The following PDE9A variants were observed in gnomAD, a reference collection of about 807,000 sequenced individuals.
PDE9A encodes the protein high affinity cGMP-specific 3',5'-cyclic phosphodiesterase 9A.
PDE9A carries 60 observed loss-of-function variants against 87.4 expected under a neutral mutation model. The observed-to-expected ratio is 0.69, with a 90% CI of 0.56 to 0.85. PDE9A has a LOEUF of 0.85. Among genes scored for constraint, PDE9A ranks in the 40% least tolerant of loss-of-function variants. The pLI is 0.00. For missense variants in PDE9A, 665 were observed against 779.0 expected, an observed-to-expected ratio of 0.85 and a Z score of 1.74; for synonymous variants, 272 against 279.4, an observed-to-expected ratio of 0.97 and a Z score of 0.27.
At chr21:42,746,456 G>C (rs191979597) in intron 8 of PDE9A, among the ~76,000 whole-genome samples, 1 of 152,142 alleles carries the variant, frequency 6.6e-6, no homozygotes, top group Non-Finnish European at 1.5e-5. Context: ...GGCTGCCGGC[G>C]GCATTCTCTG....
intron 14 of PDE9A, among the ~76,000 whole-genome samples, chr21:42,764,983 G>GGA (rs2056226582): frequency 8.4e-6 from 1 of 118,362 alleles, no homozygotes; most frequent in Admixed American, 7.8e-5. Context: ...GGGTGGGTGG[G>GGA]TGGATGGATG....
intron 8 of PDE9A, among the ~76,000 whole-genome samples, chr21:42,745,903 C>T (rs2053798289): frequency 6.6e-6 from 1 of 152,230 alleles, no homozygotes; most frequent in Admixed American, 6.5e-5. Context: ...CCTCTGGGCC[C>T]CATATGGGTT....
intron 8 of PDE9A, among the ~76,000 whole-genome samples, chr21:42,746,975 G>A (rs1407209204): frequency 6.6e-6 from 1 of 152,198 alleles, no homozygotes; most frequent in Non-Finnish European, 1.5e-5. Context: ...ACAGGTAAAT[G>A]GGACTCTTGC....
At chr21:42,674,030 A>T (rs1449832176) in intron 1 of PDE9A, among the ~76,000 whole-genome samples, 1 of 152,256 alleles carries the variant, frequency 6.6e-6, no homozygotes, top group Non-Finnish European at 1.5e-5. Flanking sequence ...GTTAGAGCAG[A>T]TGTACATATA....
chr21:42,732,394 C>T lies in PDE9A; in HGVS notation c.497+270C>T, dbSNP rs186995153. On this transcript the variant is annotated intron_variant, in intron 6 of 19. Transcript: ENST00000291539. ...TCGTGAGGTCGAGAATGTTCTCCAC[C>T]GGCTCTTCTGGGATGGGAGAACAAG... 2.9e-3 allele frequency among the ~76,000 whole-genome samples: 438 copies of T among 152,334 alleles called. 2 individuals carry two copies. The highest frequency in any genetic ancestry group is 0.01 in the Middle Eastern group (3 of 294).
intron 16 of PDE9A, chr21:42,768,610 G>A (rs2056621130): frequency 1.0e-6 from 1 of 985,402 alleles, no homozygotes; most frequent in East Asian, 1.1e-4. Context: ...AGAAGCAGGA[G>A]GGGGCCCAGG....
intron 10 of PDE9A, chr21:42,757,711 C>T (rs1433110738): frequency 6.6e-6 from 1 of 152,118 alleles, no homozygotes; most frequent in Non-Finnish European, 1.5e-5. Context: ...GTGGGACCTT[C>T]TTCCTGGCCA....
rs2055384188 is a variant in PDE9A at position 42,759,030 on chromosome 21, AC to A, written c.844del (p.Leu282SerfsTer42). On this transcript the variant is annotated frameshift_variant, in exon 11 of 20. Transcript: ENST00000291539. LOFTEE classifies it high-confidence loss of function. This position sits in a 1 kb window ranked among gnomAD's most constrained non-coding sequence, Gnocchi z 7.2. ...MLSCLEHMYH[D>X]LGLVRDFSIN... is the part of the protein sequence containing the mutation. The stretch of plus-strand genomic sequence containing the variant: ...AGCTGCCTGGAGCACATGTACCACG[AC>A]CTCGGGCTGGTCAGGGACTTCAGCA... 1 of 1,613,776 alleles carries A rather than the reference AC, an allele frequency of 6.2e-7. No homozygotes were observed.
At chr21:42,654,877 A>G (rs2145745302) in intron 1 of PDE9A, among the ~76,000 whole-genome samples, 1 of 152,200 alleles carries the variant, frequency 6.6e-6, no homozygotes, top group East Asian at 1.9e-4. Flanking sequence ...GCTTTGAGAG[A>G]CTCAGATAAC....
At chr21:42,745,089 C>T (rs1227169681) in intron 8 of PDE9A, among the ~76,000 whole-genome samples, 3 of 152,176 alleles carry the variant, frequency 2.0e-5, no homozygotes, top group Non-Finnish European at 4.4e-5. Flanking sequence ...GGCATGCTGA[C>T]GATCATTCCC....
At chr21:42,685,465 G>GTTTTTTTTTTTT (rs1555908731) in intron 1 of PDE9A, among the ~76,000 whole-genome samples, 17 of 87,764 alleles carry the variant, frequency 1.9e-4, no homozygotes, top group African/African-American at 3.0e-4. Flanking sequence ...CCGAAAGGCA[G>GTTTTTTTTTTTT]TCTTTTTTTT....
chr21:42,736,262 A>G (rs1434720264), intron 7 of PDE9A, among the ~76,000 whole-genome samples: 1 of 152,206 alleles, frequency 6.6e-6, no homozygotes, highest in Non-Finnish European at 1.5e-5. Context: ...CAAGATGAAT[A>G]GTAACCCTGT....
At chr21:42,733,546 G>C in intron 7 of PDE9A, 120 bp downstream of exon 7, 1 of 665,014 alleles carries the variant, frequency 1.5e-6, no homozygotes, top group Non-Finnish European at 2.8e-6. Context: ...TCTTTTCTTT[G>C]TGAAATACTT....
At chr21:42,717,255 A>G (rs1246585169) in intron 4 of PDE9A, among the ~76,000 whole-genome samples, 1 of 147,280 alleles carries the variant, frequency 6.8e-6, no homozygotes, top group Non-Finnish European at 1.5e-5. Context: ...CATATCTGCT[A>G]GTAACTAATT....
At chr21:42,708,585 G>A (rs912529052) in intron 4 of PDE9A, among the ~76,000 whole-genome samples, 16 of 152,182 alleles carry the variant, frequency 1.1e-4, no homozygotes, top group Admixed American at 2.0e-4. Flanking sequence ...GAGGAGTTTC[G>A]CTCTTGTTGC....
chr21:42,733,634 G>A (rs2052073337), intron 7 of PDE9A: 1 of 582,342 alleles, frequency 1.7e-6, no homozygotes, highest in African/African-American at 1.9e-5. Flanking sequence ...AAGAAGCACA[G>A]CTCATGGTAT....
intron 9 of PDE9A, 144 bp from the exon 10 acceptor site, chr21:42,753,846 A>G: frequency 1.8e-6 from 1 of 540,606 alleles, no homozygotes; most frequent in African/African-American, 2.1e-5. Context: ...CGTGGGCAAG[A>G]GTGAGACTCT....
rs1324446861 is a variant in PDE9A, at chr21:42,694,081, A to G, written c.219-4887A>G. On this transcript the variant is annotated intron_variant, in intron 3 of 19. Transcript: ENST00000291539. This position sits in a 1 kb window ranked among gnomAD's most constrained non-coding sequence, Gnocchi z 5.3. ...CCCACCCTCTGGTGACCAGAAGCTT[A>G]TGTCTACCAGACCCAGGGCCTTCCC... Among the ~76,000 whole-genome samples, 1 of 152,120 alleles carries G rather than the reference A, an allele frequency of 6.6e-6. No individual in the cohort carries two copies. Among genetic ancestry groups the G allele is most frequent in the Non-Finnish European group, 1.5e-5 (1 of 68,020 alleles).
intron 4 of PDE9A, among the ~76,000 whole-genome samples, chr21:42,720,764 G>C (rs919767002): frequency 1.3e-5 from 2 of 151,974 alleles, no homozygotes; most frequent in African/African-American, 4.8e-5. Flanking sequence ...CCAGCACTTT[G>C]GGAGGCCGAG....
Sources: allele counts gnomAD v4.1 joint callset (sites outside exome capture counted in the v4.1 genomes callset), GRCh38; gene constraint gnomAD v4.1.1; non-coding constraint Gnocchi (gnomAD v3.1); transcripts MANE v1.5; gene names NCBI Gene and HGNC (gene_info 2026-07-23, HGNC 2026-07-21).